The following RNF10 variants were observed in gnomAD, a reference collection of about 807,000 sequenced individuals.
The protein encoded by RNF10 is ring finger protein 10, also known as E3 ubiquitin-protein ligase RNF10.
In RNF10, 38 loss-of-function variants were observed where a neutral mutation model predicts 91.4. The ratio of observed to expected loss-of-function variants is 0.42; its 90% CI spans 0.32 to 0.54. The LOEUF (loss-of-function observed/expected upper bound fraction) is 0.54. Ranked by LOEUF, RNF10 falls within the 20% of genes least tolerant of loss-of-function variation. The pLI is 0.16. For synonymous variants in RNF10, 364 were observed against 366.3 expected, an observed-to-expected ratio of 0.99 and a Z score of 0.07; for missense variants, 945 against 1,012.0, an observed-to-expected ratio of 0.93 and a Z score of 0.90.
At chr12:120,543,399 A>G (rs4767912) in intron 1 of RNF10, among the ~76,000 whole-genome samples, 40,530 of 152,128 alleles carry the variant, frequency 0.27, 6,100 homozygotes, top group East Asian at 0.5. Flanking sequence ...TAATCCCAGC[A>G]CTTTGGGAGG....
chr12:120,571,877 G>A (rs1407278054), intron 14 of RNF10, among the ~76,000 whole-genome samples: 1 of 152,092 alleles, frequency 6.6e-6, no homozygotes, highest in Non-Finnish European at 1.5e-5. Context: ...GGAGCTGGGT[G>A]GGGGAACGAT....
At chr12:120,548,338 C>T (rs528230348) in intron 2 of RNF10, among the ~76,000 whole-genome samples, 2 of 151,982 alleles carry the variant, frequency 1.3e-5, no homozygotes, top group East Asian at 3.9e-4. Flanking sequence ...GTGAGTGTTC[C>T]AAAAACGGAT....
At chr12:120,541,719 C>G (rs1156458454) in intron 1 of RNF10, among the ~76,000 whole-genome samples, 1 of 151,606 alleles carries the variant, frequency 6.6e-6, no homozygotes, top group Non-Finnish European at 1.5e-5. Flanking sequence ...CAAGCATGAG[C>G]CATCGTGCCT....
At chr12:120,543,322 G>A (rs1001805574) in intron 1 of RNF10, among the ~76,000 whole-genome samples, 6 of 152,144 alleles carry the variant, frequency 3.9e-5, no homozygotes, top group Non-Finnish European at 7.3e-5. Flanking sequence ...TGATTCCTAT[G>A]AACTGGCAAG....
chr12:120,564,027 CA>C (rs769645199), intron 10 of RNF10, 84 bp downstream of exon 10: 354 of 1,502,474 alleles, frequency 2.4e-4, no homozygotes, highest in Admixed American at 1.5e-3. Flanking sequence ...CCTAAGTTCA[CA>C]AACCTTCAAG....
At chr12:120,576,565 GCTGT>G in intron 16 of RNF10, 21 bp from the exon 17 acceptor site, 1 of 1,609,896 alleles carries the variant, frequency 6.2e-7, no homozygotes, top group Non-Finnish European at 8.5e-7. Flanking sequence ...TTTAAGTTAA[GCTGT>G]CTTTCTGTGT....
At position 120,534,921 on chromosome 12, in the gene RNF10, C is replaced by T. The variant is rs1222352601; in HGVS notation, c.110C>T (p.Pro37Leu). ...SSGSSKGQQP[P>L]RSASAGPAGE... The stretch of plus-strand genomic sequence containing the variant: ...GGCAGCAGCAAAGGGCAACAGCCGC[C>T]CCGCTCCGCCTCGGCGGGGCCAGCC... Residue 37 changes from proline to leucine, a missense_variant, in exon 1 of 17, where the codon CCC becomes CTC. By Grantham distance (98) the Pro-to-Leu change is moderately conservative. Transcript: ENST00000325954. 4 of 1,606,120 alleles carry T rather than the reference C, an allele frequency of 2.5e-6. No homozygotes were observed. In the South Asian group the frequency reaches 4.4e-5, roughly 18 times the overall value.
chr12:120,556,097 A>G (rs1208867875), intron 4 of RNF10, among the ~76,000 whole-genome samples: 1 of 152,028 alleles, frequency 6.6e-6, no homozygotes, highest in Non-Finnish European at 1.5e-5. Flanking sequence ...CTTCAGTTGC[A>G]CTTTCAAAGC....
Position 120,534,771 on chromosome 12 carries a change from C to G in RNF10, c.-41C>G, listed in dbSNP as rs1239582090. On this transcript the variant is annotated 5_prime_UTR_variant, in exon 1 of 17. Coordinates refer to ENST00000325954, the MANE Select transcript of RNF10 (RefSeq NM_014868.5). ...CCATGAGCCTGGGTCCCCGCCGCGC[C>G]CGCTCCGCTCCGACTGCCGTCGCCG... The G allele has an allele frequency of 6.5e-7, 1 of 1,527,210 alleles. No individual in the cohort carries two copies. The highest frequency in any genetic ancestry group is 2.1e-5 in the Admixed American group (1 of 48,426). The allele number at this position is 1,527,210 out of a possible 1,614,324, so 94.6% of individuals were successfully genotyped here.
At chr12:120,538,364 G>A (rs369719020) in intron 1 of RNF10, among the ~76,000 whole-genome samples, 25 of 152,246 alleles carry the variant, frequency 1.6e-4, no homozygotes, top group African/African-American at 5.5e-4. Context: ...TTTTGTTCCA[G>A]TGGCTGGCTT....
chr12:120,540,947 C>T (rs2137131087), intron 1 of RNF10, among the ~76,000 whole-genome samples: 1 of 152,056 alleles, frequency 6.6e-6, no homozygotes, highest in African/African-American at 2.4e-5. Flanking sequence ...CCTCCACCTC[C>T]CGGGTTCAAG....
intron 14 of RNF10, among the ~76,000 whole-genome samples, chr12:120,573,385 A>G (rs183949258): frequency 6.3e-4 from 96 of 151,646 alleles, no homozygotes; most frequent in South Asian, 4.8e-3. Context: ...CAGTTGTTTT[A>G]TAGAATATCC....
chr12:120,567,209 A>G (rs187717714), intron 13 of RNF10, among the ~76,000 whole-genome samples: 38 of 152,184 alleles, frequency 2.5e-4, no homozygotes, highest in Admixed American at 1.3e-3. Context: ...TTTAGGCAGG[A>G]TAGTTGAAAA....
At chr12:120,550,839 GC>G (rs1872939804) in intron 2 of RNF10, among the ~76,000 whole-genome samples, 1 of 151,766 alleles carries the variant, frequency 6.6e-6, no homozygotes. Flanking sequence ...CTCGTGATCC[GC>G]CCGCCTCAGC....
intron 7 of RNF10, 40 bp downstream of exon 7, chr12:120,560,926 C>T (rs745524503): frequency 6.3e-7 from 1 of 1,593,458 alleles, no homozygotes; most frequent in Non-Finnish European, 8.6e-7. Context: ...TTTTCACTTT[C>T]TCGGCGTTCT....
Position 120,575,630 on chromosome 12 carries a change from G to A in RNF10, c.2143-1G>A, listed in dbSNP as rs780985497. The A allele has an allele frequency of 1.9e-6, 3 of 1,614,212 alleles. No individual in the cohort carries two copies. The Admixed American group carries it at 5.0e-5, about 27-fold the overall frequency. On this transcript the variant is annotated splice_acceptor_variant, in intron 14 of 16. Coordinates refer to ENST00000325954, the MANE Select transcript of RNF10 (RefSeq NM_014868.5). LOFTEE classifies it high-confidence loss of function. The stretch of plus-strand genomic sequence containing the variant: ...CCCCCACTTCTTTCCCACTTTGGCA[G>A]ATGCTGAGGGTTGGAAAAGCAAAAG...
chr12:120,552,312 G>A (rs926567250), intron 2 of RNF10, among the ~76,000 whole-genome samples, 187 bp from the exon 3 acceptor site: 10 of 151,318 alleles, frequency 6.6e-5, no homozygotes, highest in Non-Finnish European at 1.3e-4. Flanking sequence ...AGGCAGGAGA[G>A]TCACTTGAAC....
Position 120,566,923 on chromosome 12 carries a change from G to A in RNF10, c.1984G>A (p.Glu662Lys), listed in dbSNP as rs760265294. Residue 662 changes from glutamate to lysine, a missense_variant, in exon 13 of 17, where the codon GAG (glutamate) becomes AAG (lysine). Glu to Lys is a moderately conservative substitution (Grantham distance 56). Coordinates refer to ENST00000325954, the MANE Select transcript of RNF10 (RefSeq NM_014868.5). ...SDSALGPTST[E>K]GHGALSISPL... ...TTCTGCTTTGGGTCCCACCAGCACC[G>A]AGGGCCATGGGGCCCTCTCCATTTC... 3 of 1,613,682 alleles carry A rather than the reference G, an allele frequency of 1.9e-6. No homozygotes were observed. Among genetic ancestry groups the A allele is most frequent in the East Asian group, 2.2e-5 (1 of 44,864 alleles).
intron 13 of RNF10, among the ~76,000 whole-genome samples, chr12:120,569,051 A>G (rs1593112213): frequency 6.6e-6 from 1 of 151,782 alleles, no homozygotes; most frequent in South Asian, 2.1e-4. Context: ...GCTTACTGCA[A>G]CCTCTGCCTC....
Sources: gnomAD v4.1 joint callset for allele counts (sites outside exome capture counted in the v4.1 genomes callset) on GRCh38, gnomAD v4.1.1 for gene constraint, MANE v1.5 for transcripts, NCBI Gene and HGNC (gene_info 2026-07-23, HGNC 2026-07-21) for gene names.